The following ATXN2 variants were observed in gnomAD, a reference collection of about 807,000 sequenced individuals.
The protein encoded by ATXN2 is ataxin-2.
Under a neutral mutation model 138.6 loss-of-function variants are expected in ATXN2, and 37 were observed. The ratio of observed to expected loss-of-function variants is 0.27; its 90% confidence interval spans 0.21 to 0.35. The LOEUF is 0.35. Among genes scored for constraint, ATXN2 ranks in the 10% least tolerant of loss-of-function variants. ATXN2 has a pLI of 1.00. For synonymous variants in ATXN2, 549 were observed against 543.7 expected, an observed-to-expected ratio of 1.01 and a Z score of -0.13; for missense variants, 1,216 against 1,480.3, an observed-to-expected ratio of 0.82 and a Z score of 2.93.
intron 1 of ATXN2, among the ~76,000 whole-genome samples, chr12:111,559,770 C>CA (rs1455134595): frequency 1.4e-5 from 1 of 71,212 alleles, no homozygotes; most frequent in Non-Finnish European, 2.6e-5. Flanking sequence ...AAGACTATCT[C>CA]AAAAAACAAA....
chr12:111,524,283 A>T (rs1046996761), intron 6 of ATXN2, among the ~76,000 whole-genome samples: 3 of 152,216 alleles, frequency 2.0e-5, no homozygotes, highest in African/African-American at 7.2e-5. Context: ...GAGTGTCATT[A>T]TTAAGCTGTT....
chr12:111,595,245 G>C (rs764951514), intron 1 of ATXN2, among the ~76,000 whole-genome samples: 5 of 152,100 alleles, frequency 3.3e-5, no homozygotes, highest in Non-Finnish European at 5.9e-5. Flanking sequence ...CTTTCTCTAA[G>C]GAAATAATTA....
At position 111,457,423 on chromosome 12, in the gene ATXN2, C is replaced by T. The variant is rs1463189602; in HGVS notation, c.2897-64G>A. 2.0e-6 allele frequency: 3 copies of T among 1,517,228 alleles called. No homozygotes were observed. In the Admixed American group the frequency reaches 6.3e-5, roughly 32 times the overall value. 94.0% of individuals were successfully genotyped at this position (1,517,228 alleles called of 1,614,324 possible). On this transcript the variant is annotated intron_variant, in intron 21 of 24. Coordinates refer to ENST00000673436, the MANE Select transcript of ATXN2 (RefSeq NM_001372574.1). The stretch of plus-strand genomic sequence containing the variant: ...TCTGACAACCTCCATCGCTCCTCTA[C>T]ACTTCATCAACTGAACTTTCTTGAT...
chr12:111,459,809 C>T (rs919769389), intron 21 of ATXN2, among the ~76,000 whole-genome samples: 5 of 152,010 alleles, frequency 3.3e-5, no homozygotes, highest in African/African-American at 1.2e-4. Flanking sequence ...GATCTCGGCT[C>T]ACTGCAGCCT....
At chr12:111,584,407 A>AAAAC (rs1884204042) in intron 1 of ATXN2, among the ~76,000 whole-genome samples, 1 of 145,898 alleles carries the variant, frequency 6.9e-6, no homozygotes, top group South Asian at 2.1e-4. Context: ...AAAAAAAAAA[A>AAAAC]AAAATTCATT....
chr12:111,547,745 A>C (rs1881882945), intron 5 of ATXN2, among the ~76,000 whole-genome samples: 1 of 151,612 alleles, frequency 6.6e-6, no homozygotes, highest in South Asian at 2.1e-4. Context: ...AAAAAAGAAA[A>C]AAAAGGTTTC....
intron 15 of ATXN2, among the ~76,000 whole-genome samples, chr12:111,487,555 G>C (rs1877726409): frequency 6.6e-6 from 1 of 151,782 alleles, no homozygotes; most frequent in African/African-American, 2.4e-5. Context: ...CCACCTTCTG[G>C]GTTCAAGCAA....
chr12:111,595,595 T>C (rs984768814), intron 1 of ATXN2, among the ~76,000 whole-genome samples: 3 of 148,238 alleles, frequency 2.0e-5, no homozygotes, highest in African/African-American at 7.5e-5. Flanking sequence ...TGAGCTGAGA[T>C]CGTACCACTG....
upstream of ATXN2, chr12:111,599,610 A>G (rs1043705751): frequency 1.9e-6 from 2 of 1,069,352 alleles, no homozygotes; most frequent in African/African-American, 1.8e-5. Flanking sequence ...GCAGAACGTG[A>G]GGTGGCCCCG....
At chr12:111,454,449 G>C (rs1874908757) in intron 23 of ATXN2, 1 of 154,128 alleles carries the variant, frequency 6.5e-6, no homozygotes, top group Non-Finnish European at 1.4e-5. Flanking sequence ...TGGAGCAGGA[G>C]GAGGAGGAGG....
chr12:111,516,515 ATAACT>A lies in ATXN2; in HGVS notation c.1166-157_1166-153del. 3 of 770,590 alleles carry A rather than the reference ATAACT, an allele frequency of 3.9e-6. No individual in the cohort carries two copies. Among genetic ancestry groups the A allele is most frequent in the South Asian group, 1.9e-5 (1 of 51,870 alleles). 47.7% of individuals were successfully genotyped at this position (770,590 alleles called of 1,614,324 possible). A position where few individuals can be genotyped will look rare whatever the true frequency, so the allele number is the denominator to read the frequency against. On this transcript the variant is annotated intron_variant, in intron 9 of 24. Transcript: ENST00000673436. This position sits in a 1 kb window ranked among gnomAD's most constrained non-coding sequence, Gnocchi z 5.0. ...CATTTGATTTGTGATAAGTTTTAGC[ATAACT>A]TAACTGACATAAATTCACATTTTAC... is the stretch of plus-strand genomic sequence containing the variant.
intron 1 of ATXN2, among the ~76,000 whole-genome samples, chr12:111,595,439 C>T (rs923059629): frequency 1.3e-5 from 2 of 150,896 alleles, no homozygotes; most frequent in Non-Finnish European, 3.0e-5. Flanking sequence ...GTCGGTAGTA[C>T]GAGACCAAAC....
At chr12:111,484,182 T>G (rs1458866626) in intron 18 of ATXN2, among the ~76,000 whole-genome samples, 2 of 152,108 alleles carry the variant, frequency 1.3e-5, no homozygotes, top group Non-Finnish European at 2.9e-5. Context: ...TAGGTATATA[T>G]AAAGCAAGGT....
chr12:111,567,892 A>C (rs1883104463), intron 1 of ATXN2, among the ~76,000 whole-genome samples: 1 of 152,224 alleles, frequency 6.6e-6, no homozygotes, highest in East Asian at 1.9e-4. Flanking sequence ...AATATACACA[A>C]ACAATCTAAC....
intron 14 of ATXN2, among the ~76,000 whole-genome samples, chr12:111,508,595 C>T (rs1193991884): frequency 4.0e-5 from 6 of 151,344 alleles, no homozygotes; most frequent in Non-Finnish European, 5.9e-5. Context: ...TACAAGTGTG[C>T]GCCACCATGC....
At chr12:111,596,373 T>A (rs975486127) in intron 1 of ATXN2, among the ~76,000 whole-genome samples, 3 of 151,068 alleles carry the variant, frequency 2.0e-5, no homozygotes, top group African/African-American at 7.3e-5. Flanking sequence ...GAAAAACTAT[T>A]CACACACACA....
At chr12:111,580,719 T>G (rs1269510308) in intron 1 of ATXN2, among the ~76,000 whole-genome samples, 66 of 106,800 alleles carry the variant, frequency 6.2e-4, no homozygotes, top group African/African-American at 1.2e-3. Context: ...GAGGAAGGGT[T>G]GGGAGAGACA....
intron 23 of ATXN2, chr12:111,455,014 A>C (rs1874963040): frequency 1.4e-6 from 1 of 702,706 alleles, no homozygotes; most frequent in Non-Finnish European, 2.6e-6. Flanking sequence ...GAGGACGCCC[A>C]AACTTCCCAG....
chr12:111,546,851 T>C (rs1026534227), intron 5 of ATXN2, among the ~76,000 whole-genome samples: 5 of 152,156 alleles, frequency 3.3e-5, no homozygotes, highest in African/African-American at 1.2e-4. Flanking sequence ...TACAAACTGA[T>C]TTTCCAATGA....
Sources: gnomAD v4.1 joint callset for allele counts (sites outside exome capture counted in the v4.1 genomes callset) on GRCh38, gnomAD v4.1.1 for gene constraint, Gnocchi (gnomAD v3.1) non-coding constraint, MANE v1.5 for transcripts, NCBI Gene and HGNC (gene_info 2026-07-23, HGNC 2026-07-21) for gene names.